Variants in SYT7 observed in about 807,000 individuals in gnomAD.
SYT7 encodes synaptotagmin 7.
A neutral mutation model predicts 75.1 loss-of-function variants in SYT7; 29 were observed. The ratio of observed to expected loss-of-function variants is 0.39; its 90% CI spans 0.29 to 0.53. SYT7 has a LOEUF of 0.53. Among genes scored for constraint, SYT7 ranks in the 20% least tolerant of loss-of-function variants. The probability of loss-of-function intolerance (pLI) is 0.77; values close to 1 mark genes in which losing one functional copy is unlikely to be tolerated. For missense variants in SYT7, 693 were observed against 953.2 expected, an observed-to-expected ratio of 0.73 and a Z score of 3.59; for synonymous variants, 376 against 401.7, an observed-to-expected ratio of 0.94 and a Z score of 0.76.
rs1331496427 is a variant in SYT7, at chr11:61,549,336, A to G, written c.216-2028T>C. ...TGATTCCTTTACCGCAGGACTTCTC[A>G]GAGCCTTTAACGTGCCCATGAATAT... On this transcript the variant is annotated intron_variant, in intron 3 of 12. Coordinates refer to ENST00000539008, the MANE Select transcript of SYT7 (RefSeq NM_001365809.2). Among the ~76,000 whole-genome samples the G allele has an allele frequency of 2.0e-5, 3 of 152,224 alleles. No individual in the cohort carries two copies. The East Asian group carries it at 5.8e-4, about 29-fold the overall frequency.
intron 9 of SYT7, among the ~76,000 whole-genome samples, chr11:61,527,161 G>C (rs529260418): frequency 9.2e-5 from 14 of 152,284 alleles, no homozygotes; most frequent in African/African-American, 3.4e-4. Context: ...AAGGACATTT[G>C]TCTCAGCGGC....
chr11:61,541,378 TG>T, intron 6 of SYT7: 2 of 602,752 alleles, frequency 3.3e-6, no homozygotes, highest in Non-Finnish European at 3.8e-6. Flanking sequence ...GCTCTGAGAG[TG>T]GGGGGCAGAT....
Position 61,517,483 on chromosome 11 carries a change from T to G in SYT7, c.*1144A>C. 2.5e-6 allele frequency: 1 copy of G among 398,684 alleles called. No homozygotes were observed. Among genetic ancestry groups the G allele is most frequent in the Admixed American group, 4.4e-5 (1 of 22,720 alleles). The allele number at this position is 398,684 out of a possible 1,614,324, so 24.7% of individuals were successfully genotyped here. Reference sequence around the variant, plus strand: ...ATGGACGATCAGAGACCACGCACGATGAGACGGAATGAATGGAAGGTCTAC... The same window carrying G: ...ATGGACGATCAGAGACCACGCACGAGGAGACGGAATGAATGGAAGGTCTAC... On this transcript the variant is annotated 3_prime_UTR_variant, in exon 13 of 13. Transcript: ENST00000539008.
intron 8 of SYT7, among the ~76,000 whole-genome samples, chr11:61,529,645 G>GT (rs1228869302): frequency 2.0e-5 from 3 of 152,132 alleles, no homozygotes; most frequent in Admixed American, 6.6e-5. Context: ...ATAGTTTTTT[G>GT]TTTTTTTGAG....
At chr11:61,581,129 G>A (rs1808206196), upstream of SYT7, 1 of 177,630 alleles carries the variant, frequency 5.6e-6, no homozygotes, top group African/African-American at 2.4e-5. Context: ...GTGTGTGAGC[G>A]CGTGTGTGAG....
intron 6 of SYT7, 119 bp from the exon 7 acceptor site, chr11:61,538,385 G>GAGAGAGAA: frequency 1.2e-6 from 1 of 818,392 alleles, no homozygotes; most frequent in Non-Finnish European, 1.8e-6. Flanking sequence ...GAGAGAGAGA[G>GAGAGAGAA]AGAAAGAGAG....
intron 1 of SYT7, among the ~76,000 whole-genome samples, chr11:61,579,810 G>C (rs971040000): frequency 6.6e-6 from 1 of 152,218 alleles, no homozygotes; most frequent in African/African-American, 2.4e-5. Flanking sequence ...TAGCATCAGA[G>C]AGAAGCCCAG....
chr11:61,514,773 C>T lies in SYT7; in HGVS notation c.*3854G>A, dbSNP rs2062112580. Among the ~76,000 whole-genome samples the T allele has an allele frequency of 6.6e-6, 1 of 152,156 alleles. No homozygotes were observed. The highest frequency in any genetic ancestry group is 2.1e-4 in the South Asian group (1 of 4,826). On this transcript the variant is annotated 3_prime_UTR_variant, in exon 13 of 13. Transcript: ENST00000539008. ...ATTGAGTGGAAGAGACTTTTCTAAT[C>T]CTAAAGAATGAAACTAGAAGAGGGC...
intron 1 of SYT7, among the ~76,000 whole-genome samples, chr11:61,574,809 G>T (rs2064024207): frequency 1.3e-5 from 2 of 152,076 alleles, no homozygotes; most frequent in South Asian, 4.1e-4. Context: ...TGGCCTCGCT[G>T]ACACCACCCC....
chr11:61,548,667 G>C (rs983180521), intron 3 of SYT7, among the ~76,000 whole-genome samples: 1 of 152,148 alleles, frequency 6.6e-6, no homozygotes, highest in African/African-American at 2.4e-5. Context: ...GCCAGCGGGG[G>C]CACACCCCAC....
chr11:61,522,612 G>A (rs189139858), intron 12 of SYT7, among the ~76,000 whole-genome samples: 8 of 152,268 alleles, frequency 5.3e-5, no homozygotes, highest in Non-Finnish European at 1.0e-4. Flanking sequence ...TGGAGAGGCC[G>A]AGCCACTTGC....
intron 9 of SYT7, among the ~76,000 whole-genome samples, chr11:61,527,470 A>T (rs1159015400): frequency 6.6e-6 from 1 of 152,174 alleles, no homozygotes; most frequent in African/African-American, 2.4e-5. Flanking sequence ...TGTGCACTGA[A>T]CCACTATGAT....
At chr11:61,534,416 C>T (rs377720639) in intron 7 of SYT7, among the ~76,000 whole-genome samples, 1 of 148,846 alleles carries the variant, frequency 6.7e-6, no homozygotes, top group African/African-American at 2.5e-5. Context: ...CACGCACGCA[C>T]ACATGCGCAT....
At chr11:61,529,130 G>A (rs1352275874) in intron 8 of SYT7, among the ~76,000 whole-genome samples, 6 of 152,130 alleles carry the variant, frequency 3.9e-5, no homozygotes, top group African/African-American at 1.4e-4. Context: ...ACCCAGTTAG[G>A]GGGCTGTATG....
chr11:61,555,400 C>T (rs900216991), intron 2 of SYT7, among the ~76,000 whole-genome samples: 4 of 152,122 alleles, frequency 2.6e-5, no homozygotes, highest in African/African-American at 9.6e-5. Context: ...AGCAGCGGCT[C>T]GGGGAGCTGT....
chr11:61,587,714 T>C, the SYT7 span, among the ~76,000 whole-genome samples: 33 of 152,006 alleles, frequency 2.2e-4, no homozygotes, highest in African/African-American at 7.7e-4. Flanking sequence ...GCTCGAGGCC[T>C]GCCCCTCCAG....
In SYT7 at chr11:61,524,287, T is replaced by C; in HGVS notation, c.1641+76A>G. On this transcript the variant is annotated intron_variant, in intron 10 of 12. Transcript: ENST00000539008. The surrounding 1 kb of genome is among the most constrained non-coding windows in gnomAD (Gnocchi z 4.1). ...ACAGCCCTCCTGGCCTTCCTAAGGT[T>C]GACAAGGGTCTGGGACCAGATCTCC... is the stretch of plus-strand genomic sequence containing the variant. The C allele has an allele frequency of 1.3e-6, 2 of 1,562,038 alleles. No individual in the cohort carries two copies. The highest frequency in any genetic ancestry group is 8.7e-7 in the Non-Finnish European group (1 of 1,149,690).
In SYT7 at chr11:61,542,514, G is replaced by C; in HGVS notation, c.638C>G (p.Pro213Arg). 1.3e-6 allele frequency: 2 copies of C among 1,531,798 alleles called. No individual in the cohort carries two copies. Among genetic ancestry groups the C allele is most frequent in the Non-Finnish European group, 1.7e-6 (2 of 1,145,104 alleles). The allele number at this position is 1,531,798 out of a possible 1,614,324, so 94.9% of individuals were successfully genotyped here. Residue 213 changes from proline (P) to arginine (R), a missense_variant, in exon 6 of 13, where the codon CCG (proline) becomes CGG (arginine). Around this residue, in one of 2 missense-constraint regions of SYT7, gnomAD observed 487 missense variants for 593.2 expected, o/e 0.82. Transcript: ENST00000539008. This position sits in a 1 kb window ranked among gnomAD's most constrained non-coding sequence, Gnocchi z 7.8. Reference sequence around the variant, plus strand: ...CAGGGTGCGGGGTCGCTGGCATTTCGGCTCTCCCGTGGAGCTGGGGATAGA... The same window carrying C: ...CAGGGTGCGGGGTCGCTGGCATTTCCGCTCTCCCGTGGAGCTGGGGATAGA... The part of the protein sequence containing the change: ...LESIPSSTGE[P>R]KCQRPRTLMR...
rs2062137932 is a variant in SYT7 at position 61,515,925 on chromosome 11, T to G, written c.*2702A>C. ...GCAGTCAGGATTCGGTAATTACACT[T>G]TGCTCACGGGTAGCACCTTCGGAGT... On this transcript the variant is annotated 3_prime_UTR_variant, in exon 13 of 13. Coordinates refer to ENST00000539008, the MANE Select transcript of SYT7 (RefSeq NM_001365809.2). 6.6e-6 allele frequency: 1 copy of G among 152,584 alleles called. No individual in the cohort carries two copies. Among genetic ancestry groups the G allele is most frequent in the African/African-American group, 2.4e-5 (1 of 41,420 alleles). 9.5% of individuals were successfully genotyped at this position (152,584 alleles called of 1,614,324 possible).
Sources: allele counts gnomAD v4.1 joint callset (sites outside exome capture counted in the v4.1 genomes callset), GRCh38; gene constraint gnomAD v4.1.1; regional missense constraint gnomAD v4.1.1; non-coding constraint Gnocchi (gnomAD v3.1); transcripts MANE v1.5; gene names NCBI Gene and HGNC (gene_info 2026-07-23, HGNC 2026-07-21).